IHO1: variants seen among roughly 807,000 people sequenced by gnomAD.
IHO1 encodes the protein interactor of HORMAD1 protein 1.
Under a neutral mutation model 31.0 loss-of-function variants are expected in IHO1, and 13 were observed. That is an observed-to-expected ratio of 0.42 (90% CI 0.27 to 0.67). IHO1 has a LOEUF of 0.67. Among genes scored for constraint, IHO1 ranks in the 30% least tolerant of loss-of-function variants. The pLI is 0.24. For synonymous variants in IHO1, 221 were observed against 248.4 expected (o/e 0.89, Z 1.04); for missense variants, 599 against 687.5 (o/e 0.87, Z 1.44).
chr3:49,255,305 T>A (rs1027344906), intron 6 of IHO1, 85 bp from the exon 7 acceptor site: 69 of 915,580 alleles, frequency 7.5e-5, no homozygotes, highest in Non-Finnish European at 1.1e-4. Flanking sequence ...TCCTCCCTTT[T>A]CACTGCTGTG....
intron 6 of IHO1, among the ~76,000 whole-genome samples, chr3:49,249,577 A>G (rs1559452609): frequency 3.3e-5 from 5 of 152,192 alleles, no homozygotes; most frequent in Non-Finnish European, 7.3e-5. Flanking sequence ...CATGGACAAC[A>G]TTTTTATAAT....
At chr3:49,251,609 C>CT (rs1001882450) in intron 6 of IHO1, among the ~76,000 whole-genome samples, 20 of 148,288 alleles carry the variant, frequency 1.3e-4, no homozygotes, top group East Asian at 4.0e-4. Flanking sequence ...GTTTTTTTGT[C>CT]TTTTTTTTTG....
the IHO1 span, among the ~76,000 whole-genome samples, chr3:49,191,459 T>C: frequency 1.3e-5 from 2 of 152,108 alleles, no homozygotes; most frequent in Admixed American, 6.5e-5. Flanking sequence ...CTCCAAAAGC[T>C]TGGGAGGCTC....
intron 6 of IHO1, among the ~76,000 whole-genome samples, chr3:49,253,759 T>C (rs995784250): frequency 6.6e-6 from 1 of 152,104 alleles, no homozygotes; most frequent in African/African-American, 2.4e-5. Context: ...TTTATAGTTA[T>C]TTGTATAATT....
rs1311032715 is a variant in IHO1, at chr3:49,214,607, C to CAT, written c.56+2796_56+2797dup. ...TGAAAAACTATCTTTATTTCTAGAT[C>CAT]ATATATATATATATATATATATATA... On this transcript the variant is annotated intron_variant, in intron 2 of 7. Transcript: ENST00000452691. Among the ~76,000 whole-genome samples, 37 of 24,784 alleles carry CAT rather than the reference C, an allele frequency of 1.5e-3. 3 individuals are homozygous for CAT. The highest frequency in any genetic ancestry group is 2.1e-3 in the African/African-American group (14 of 6,648). The allele number at this position is 24,784 out of a possible 152,430, so 16.3% of individuals were successfully genotyped here.
Position 49,256,751 on chromosome 3 carries a change from G to A in IHO1, c.1254G>A (p.Leu418=). The A allele has an allele frequency of 1.2e-6, 2 of 1,614,230 alleles. No individual in the cohort carries two copies. The highest frequency in any genetic ancestry group is 1.7e-6 in the Non-Finnish European group (2 of 1,180,040). ...CQKYQAQSMF[L]CDPREHLVIK... ...AATATCAAGCCCAAAGTATGTTTTT[G>A]TGTGACCCACGTGAACATTTGGTGA... Residue 418 remains leucine, a synonymous_variant, in exon 8 of 8, where the codon TTG becomes TTA. Coordinates refer to ENST00000452691, the MANE Select transcript of IHO1 (RefSeq NM_001135197.2). This position sits in a 1 kb window ranked among gnomAD's most constrained non-coding sequence, Gnocchi z 4.6.
intron 6 of IHO1, among the ~76,000 whole-genome samples, chr3:49,250,769 C>T (rs767010201): frequency 1.5e-4 from 23 of 152,132 alleles, no homozygotes; most frequent in Non-Finnish European, 2.9e-4. Flanking sequence ...CAGCAGCTCA[C>T]GCCTGTAATC....
Position 49,257,152 on chromosome 3 carries a change from A to AG in IHO1, c.1660dup (p.Asp554GlyfsTer9). On this transcript the variant is annotated frameshift_variant, in exon 8 of 8. Coordinates refer to ENST00000452691, the MANE Select transcript of IHO1 (RefSeq NM_001135197.2). LOFTEE classifies it low-confidence loss of function (END_TRUNC). ...AACTGGCTACTTTCCAGCAGTTCCCAGGGGGACCACCAGATGAGCTGGTTC... is the reference window on the plus strand; with the variant it reads ...AACTGGCTACTTTCCAGCAGTTCCCAGGGGGGACCACCAGATGAGCTGGTTC... 6.2e-7 allele frequency: 1 copy of AG among 1,614,182 alleles called. No individual in the cohort carries two copies.
chr3:49,195,053 C>T (rs1414883559), upstream of IHO1, among the ~76,000 whole-genome samples: 1 of 151,116 alleles, frequency 6.6e-6, no homozygotes, highest in Non-Finnish European at 1.5e-5. Context: ...GAGTTCAAGA[C>T]CAGCCTGGTC....
upstream of IHO1, among the ~76,000 whole-genome samples, chr3:49,195,304 C>G (rs1024927430): frequency 1.2e-4 from 18 of 151,652 alleles, no homozygotes; most frequent in Admixed American, 3.3e-4. Context: ...CGTCTGTAAT[C>G]CCAGCTACTT....
At chr3:49,217,773 T>A (rs2046307534) in intron 2 of IHO1, among the ~76,000 whole-genome samples, 1 of 152,222 alleles carries the variant, frequency 6.6e-6, no homozygotes. Flanking sequence ...TCATCAGGCA[T>A]CAGATTCTCA....
At chr3:49,210,182 C>T (rs2046190588) in intron 1 of IHO1, among the ~76,000 whole-genome samples, 2 of 151,848 alleles carry the variant, frequency 1.3e-5, no homozygotes, top group Non-Finnish European at 2.9e-5. Context: ...GTGTATGTTG[C>T]CATGCCTAGC....
chr3:49,244,697 TC>T lies in IHO1; in HGVS notation c.497del (p.Ser166LeufsTer41). On this transcript the variant is annotated frameshift_variant, in exon 6 of 8. Transcript: ENST00000452691. LOFTEE classifies it high-confidence loss of function. ...GGACCATCTCAGTTCAAGAAGCCAA[TC>T]TATTTTGGATTCTTTGGAGACTGTG... ...SEDHLSSRSQ[S>X]ILDSLETVAK... 1 of 1,614,146 alleles carries T rather than the reference TC, an allele frequency of 6.2e-7. No individual in the cohort carries two copies. The highest frequency in any genetic ancestry group is 8.5e-7 in the Non-Finnish European group (1 of 1,180,018).
the IHO1 span, chr3:49,191,658 C>G: frequency 6.9e-7 from 1 of 1,458,490 alleles, no homozygotes; most frequent in South Asian, 1.1e-5. Flanking sequence ...CAAATGAAAA[C>G]CTTTTCACTT....
chr3:49,208,360 G>A (rs550664307), intron 1 of IHO1, among the ~76,000 whole-genome samples: 1 of 152,300 alleles, frequency 6.6e-6, no homozygotes, highest in Admixed American at 6.5e-5. Flanking sequence ...TCAGGTCAGT[G>A]GCAGCATTAG....
rs955626929 is a variant in IHO1 at position 49,257,621 on chromosome 3, G to T, written c.*339G>T. ...CCTTATGGAATACTGTGTAGCAGAAGGGCTCTCATAAAACTGTTGCGGTGG... is the reference window on the plus strand; with the variant it reads ...CCTTATGGAATACTGTGTAGCAGAATGGCTCTCATAAAACTGTTGCGGTGG... On this transcript the variant is annotated 3_prime_UTR_variant, in exon 8 of 8. Transcript: ENST00000452691. 16 of 221,716 alleles carry T rather than the reference G, an allele frequency of 7.2e-5. No individual in the cohort carries two copies. The highest frequency in any genetic ancestry group is 8.1e-5 in the Non-Finnish European group (9 of 111,656). 13.7% of individuals were successfully genotyped at this position (221,716 alleles called of 1,614,324 possible). A position where few individuals can be genotyped will look rare whatever the true frequency, so the allele number is the denominator to read the frequency against.
chr3:49,202,495 TTGTGTGTGTGTGTGTGTGTGTG>T lies in IHO1; in HGVS notation c.-16+2952_-16+2973del, dbSNP rs113425200. ...TGCCTGACACCATGCCCGGCTAATT[TTGTGTGTGTGTGTGTGTGTGTG>T]TGTGTGTGTGTGTGTGTGTGTGTGT... is the stretch of plus-strand genomic sequence containing the variant. On this transcript the variant is annotated intron_variant, in intron 1 of 7. Transcript: ENST00000452691. Among the ~76,000 whole-genome samples the T allele has an allele frequency of 2.3e-3, 301 of 129,852 alleles. 3 individuals carry two copies. The highest frequency in any genetic ancestry group is 5.4e-3 in the African/African-American group (172 of 31,952). The allele number at this position is 129,852 out of a possible 152,430, so 85.2% of individuals were successfully genotyped here.
chr3:49,225,736 C>T (rs1330081079), intron 2 of IHO1, among the ~76,000 whole-genome samples: 1 of 152,174 alleles, frequency 6.6e-6, no homozygotes, highest in African/African-American at 2.4e-5. Context: ...GGAGAAATAC[C>T]TGGTTACAGG....
chr3:49,207,280 T>C, intron 1 of IHO1, among the ~76,000 whole-genome samples: 1 of 149,600 alleles, frequency 6.7e-6, no homozygotes, highest in Admixed American at 6.7e-5. Context: ...GGAGTCTCAC[T>C]CTGTCTCTAG....
Sources: allele counts gnomAD v4.1 joint callset (sites outside exome capture counted in the v4.1 genomes callset), GRCh38; gene constraint gnomAD v4.1.1; non-coding constraint Gnocchi (gnomAD v3.1); transcripts MANE v1.5; gene names NCBI Gene and HGNC (gene_info 2026-07-23, HGNC 2026-07-21).